PPP3CA: variants seen among roughly 807,000 people sequenced by gnomAD.
PPP3CA encodes CAM-PRP catalytic subunit.
Under a neutral mutation model 66.5 loss-of-function variants are expected in PPP3CA, and 14 were observed. The observed-to-expected ratio is 0.21, with a 90% CI of 0.14 to 0.33. The LOEUF (loss-of-function observed/expected upper bound fraction) is 0.33, where lower values mean the gene tolerates loss of function less well. PPP3CA is among the 10% of genes least tolerant of loss of function. The pLI is 1.00. For synonymous variants in PPP3CA, 232 were observed against 226.2 expected (o/e 1.03, Z -0.23); for missense variants, 317 against 639.5 (o/e 0.50, Z 5.44).
At chr4:101,258,443 A>G (rs938279155) in intron 1 of PPP3CA, among the ~76,000 whole-genome samples, 10 of 152,086 alleles carry the variant, frequency 6.6e-5, no homozygotes, top group African/African-American at 2.2e-4. Flanking sequence ...AAGATAACCT[A>G]TATGTTCCCT....
At chr4:101,078,337 C>CT (rs1305920907) in intron 8 of PPP3CA, among the ~76,000 whole-genome samples, 1 of 152,234 alleles carries the variant, frequency 6.6e-6, no homozygotes, top group East Asian at 1.9e-4. Context: ...AAGAGATTAG[C>CT]TTTTATGAGT....
Position 101,063,320 on chromosome 4 carries a change from G to A in PPP3CA, c.993C>T (p.Ile331=), listed in dbSNP as rs1254895140. The change falls in exon 9 of 14, where the codon ATC becomes ATT. Residue 331 remains isoleucine (I), a synonymous_variant. Coordinates refer to ENST00000394854, the MANE Select transcript of PPP3CA (RefSeq NM_000944.5). ...GATGAGGAGAACAGTTGAATTGCCTGATATTCATAACATTGTTCTCATACT... is the reference window on the plus strand; with the variant it reads ...GATGAGGAGAACAGTTGAATTGCCTAATATTCATAACATTGTTCTCATACT... ...VLKYENNVMN[I]RQFNCSPHPY... 3 of 1,610,734 alleles carry A rather than the reference G, an allele frequency of 1.9e-6. No individual in the cohort carries two copies. Among genetic ancestry groups the A allele is most frequent in the African/African-American group, 2.7e-5 (2 of 74,752 alleles).
rs115101419 is a variant in PPP3CA, at chr4:101,044,607, T to A, written c.1157-4041A>T. 1.3e-3 allele frequency among the ~76,000 whole-genome samples: 197 copies of A among 152,332 alleles called. 1 individual carries two copies. Among genetic ancestry groups the A allele is most frequent in the African/African-American group, 4.6e-3 (191 of 41,576 alleles). ...ATAGTAATTTTAAGTAAAATTTCAT[T>A]TTGTTTCAAATAATAATCACTTCTT... On this transcript the variant is annotated intron_variant, in intron 10 of 13. Coordinates refer to ENST00000394854, the MANE Select transcript of PPP3CA (RefSeq NM_000944.5).
chr4:101,056,620 T>C (rs1181852783), intron 10 of PPP3CA, among the ~76,000 whole-genome samples: 3 of 152,140 alleles, frequency 2.0e-5, no homozygotes, highest in Non-Finnish European at 2.9e-5. Context: ...CATGAAGGGA[T>C]AGCCCACTTA....
chr4:101,246,601 TTATATA>T (rs763588588), intron 1 of PPP3CA, among the ~76,000 whole-genome samples: 115 of 152,196 alleles, frequency 7.6e-4, no homozygotes, highest in Non-Finnish European at 1.3e-3. Flanking sequence ...TAGTCTTTCT[TTATATA>T]AACAAGAAAA....
intron 1 of PPP3CA, among the ~76,000 whole-genome samples, chr4:101,307,984 T>C (rs1728600419): frequency 6.6e-6 from 1 of 152,200 alleles, no homozygotes; most frequent in Non-Finnish European, 1.5e-5. Flanking sequence ...TAATTAGTGA[T>C]AAAGAAAGCA....
In PPP3CA at chr4:101,280,819, C is replaced by CAAA. The variant is rs5860668; in HGVS notation, c.58+65917_58+65919dup. 7.4e-3 allele frequency among the ~76,000 whole-genome samples: 623 copies of CAAA among 84,540 alleles called. 19 individuals are homozygous for CAAA. The highest frequency in any genetic ancestry group is 0.021 in the African/African-American group (548 of 26,616). The allele number at this position is 84,540 out of a possible 152,430, so 55.5% of individuals were successfully genotyped here. A position where few individuals can be genotyped will look rare whatever the true frequency, so the allele number is the denominator to read the frequency against. ...TGGGTGACAGAGCCAGACTCAGTCT[C>CAAA]AAAAAAAAAAAAAAAAACTGGAAAC... On this transcript the variant is annotated intron_variant, in intron 1 of 13. Transcript: ENST00000394854.
intron 1 of PPP3CA, among the ~76,000 whole-genome samples, chr4:101,308,389 T>C (rs1185801263): frequency 6.6e-6 from 1 of 152,150 alleles, no homozygotes; most frequent in African/African-American, 2.4e-5. Context: ...ATATACTTGG[T>C]TACAGTTTTA....
At chr4:101,107,767 A>G (rs1476848615) in intron 3 of PPP3CA, among the ~76,000 whole-genome samples, 1 of 152,226 alleles carries the variant, frequency 6.6e-6, no homozygotes, top group Admixed American at 6.5e-5. Context: ...TAGCAAATAA[A>G]ACACTGAAAT....
intron 1 of PPP3CA, among the ~76,000 whole-genome samples, chr4:101,216,295 T>A (rs1195169145): frequency 6.6e-6 from 1 of 152,170 alleles, no homozygotes; most frequent in Non-Finnish European, 1.5e-5. Flanking sequence ...TCCTTCTCAT[T>A]TGCATAATAA....
chr4:101,123,050 T>C (rs1309387167), intron 2 of PPP3CA, among the ~76,000 whole-genome samples: 1 of 152,172 alleles, frequency 6.6e-6, no homozygotes, highest in Non-Finnish European at 1.5e-5. Context: ...TTTGATTCAA[T>C]AAATATTAAA....
At chr4:101,172,147 T>C (rs1723904020) in intron 2 of PPP3CA, among the ~76,000 whole-genome samples, 2 of 152,082 alleles carry the variant, frequency 1.3e-5, no homozygotes, top group African/African-American at 4.8e-5. Flanking sequence ...AATAAGCCCA[T>C]GACAGGCAGT....
chr4:101,195,814 G>A, intron 2 of PPP3CA, 102 bp downstream of exon 2: 1 of 909,622 alleles, frequency 1.1e-6, no homozygotes, highest in East Asian at 2.5e-5. Context: ...GATTATGATG[G>A]GTAAGGTATT....
Position 101,150,550 on chromosome 4 carries a change from T to C in PPP3CA, c.260-41472A>G, listed in dbSNP as rs189503816. On this transcript the variant is annotated intron_variant, in intron 2 of 13. Transcript: ENST00000394854. ...GAGAATAAGCCACTTTATGTAATGA[T>C]TGGTATCACTATTAGAATATAATGA... is the stretch of plus-strand genomic sequence containing the variant. Among the ~76,000 whole-genome samples the C allele has an allele frequency of 1.1e-3, 166 of 152,316 alleles. 1 individual carries two copies. Among genetic ancestry groups the C allele is most frequent in the African/African-American group, 3.4e-3 (143 of 41,568 alleles).
intron 6 of PPP3CA, among the ~76,000 whole-genome samples, chr4:101,089,365 G>C (rs1362373252): frequency 6.7e-6 from 1 of 150,198 alleles, no homozygotes; most frequent in East Asian, 1.9e-4. Flanking sequence ...GCTGATAAGA[G>C]TGTCAACTGC....
chr4:101,211,362 A>G (rs2659516), intron 1 of PPP3CA, among the ~76,000 whole-genome samples: 26,011 of 152,078 alleles, frequency 0.17, 3,257 homozygotes, highest in East Asian at 0.33. Context: ...AGAGTGATGG[A>G]CATAGAAAGC....
intron 1 of PPP3CA, among the ~76,000 whole-genome samples, chr4:101,207,765 G>A (rs928907760): frequency 1.2e-4 from 19 of 152,016 alleles, no homozygotes; most frequent in African/African-American, 4.4e-4. Context: ...GGCAGAGGTT[G>A]CAGTGAGCTG....
intron 2 of PPP3CA, among the ~76,000 whole-genome samples, chr4:101,144,332 T>A (rs1196637714): frequency 6.6e-6 from 1 of 152,238 alleles, no homozygotes; most frequent in Admixed American, 6.5e-5. Context: ...GGGACTTTCC[T>A]TGACAAACTC....
intron 2 of PPP3CA, among the ~76,000 whole-genome samples, chr4:101,122,339 T>C (rs897471078): frequency 2.0e-5 from 3 of 152,200 alleles, no homozygotes; most frequent in Non-Finnish European, 4.4e-5. Context: ...CAGTAAGCTA[T>C]ACTTTTAACT....
Sources: allele counts gnomAD v4.1 joint callset (sites outside exome capture counted in the v4.1 genomes callset), GRCh38; gene constraint gnomAD v4.1.1; transcripts MANE v1.5; gene names NCBI Gene and HGNC (gene_info 2026-07-23, HGNC 2026-07-21).